The following SLC39A14 variants were observed in gnomAD, a reference collection of about 807,000 sequenced individuals.
SLC39A14 encodes solute carrier family 39 member 14, also known as metal cation symporter ZIP14.
SLC39A14 carries 19 observed loss-of-function variants against 45.5 expected under a neutral mutation model. The ratio of observed to expected loss-of-function variants is 0.42; its 90% CI spans 0.29 to 0.61. The LOEUF (loss-of-function observed/expected upper bound fraction) is 0.61. SLC39A14 is among the 20% of genes least tolerant of loss of function. The probability of loss-of-function intolerance (pLI) is 0.22; values close to 1 mark genes in which losing one functional copy is unlikely to be tolerated. For missense variants in SLC39A14, 447 were observed against 616.5 expected (o/e 0.73, Z 2.91); for synonymous variants, 264 against 251.3 (o/e 1.05, Z -0.48).
intron 1 of SLC39A14, chr8:22,398,681 G>A: frequency 1.0e-6 from 1 of 977,748 alleles, no homozygotes; most frequent in South Asian, 4.7e-5. Flanking sequence ...GCTCCTCTCT[G>A]AGAGGGGAGG....
intron 4 of SLC39A14, among the ~76,000 whole-genome samples, chr8:22,413,947 A>T (rs1835728654): frequency 6.9e-6 from 1 of 144,782 alleles, no homozygotes; most frequent in Admixed American, 6.9e-5. Context: ...TAATTTTTGT[A>T]TTTTTTTTTT....
chr8:22,407,083 C>T (rs1053650192), intron 2 of SLC39A14, among the ~76,000 whole-genome samples: 2 of 152,306 alleles, frequency 1.3e-5, no homozygotes, highest in East Asian at 1.9e-4. Flanking sequence ...GGCTGCTGGC[C>T]GGCCATGGCC....
chr8:22,428,997 G>C (rs891252107), intron 8 of SLC39A14, among the ~76,000 whole-genome samples: 17 of 152,138 alleles, frequency 1.1e-4, no homozygotes, highest in Non-Finnish European at 2.4e-4. Flanking sequence ...GAATGGCCAG[G>C]CGTGGTGGCT....
chr8:22,409,686 T>G (rs13256933), intron 3 of SLC39A14, among the ~76,000 whole-genome samples: 38,248 of 152,150 alleles, frequency 0.25, 5,601 homozygotes, highest in East Asian at 0.51. Context: ...CTGGCCTACT[T>G]GTATGGTTTT....
rs572188602 is a variant in SLC39A14 at position 22,406,409 on chromosome 8, C to T, written c.270+1429C>T. Among the ~76,000 whole-genome samples the T allele has an allele frequency of 1.5e-4, 13 of 85,086 alleles. No individual in the cohort carries two copies. The East Asian group carries it at 2.0e-3, about 13-fold the overall frequency. 55.8% of individuals were successfully genotyped at this position (85,086 alleles called of 152,430 possible). ...GGCCTCAAAAGTTGGGGGGGAGGAGCGGGGCCGGGCGCGGTGGCTGACGCC... is the reference window on the plus strand; with the variant it reads ...GGCCTCAAAAGTTGGGGGGGAGGAGTGGGGCCGGGCGCGGTGGCTGACGCC... On this transcript the variant is annotated intron_variant, in intron 2 of 8. Coordinates refer to ENST00000381237, the MANE Select transcript of SLC39A14 (RefSeq NM_001128431.4).
intron 8 of SLC39A14, among the ~76,000 whole-genome samples, chr8:22,428,684 G>A (rs1367187039): frequency 2.0e-5 from 3 of 151,564 alleles, no homozygotes; most frequent in Non-Finnish European, 2.9e-5. Flanking sequence ...CTTGTGATCC[G>A]CCCAGCCTGG....
chr8:22,394,316 T>C (rs1434486113), intron 1 of SLC39A14, among the ~76,000 whole-genome samples: 2 of 145,106 alleles, frequency 1.4e-5, no homozygotes, highest in Non-Finnish European at 3.0e-5. Context: ...TGTAATGATT[T>C]TTTATTATGT....
chr8:22,423,530 T>A (rs1399730708), downstream of SLC39A14, among the ~76,000 whole-genome samples: 1 of 152,024 alleles, frequency 6.6e-6, no homozygotes, highest in African/African-American at 2.4e-5. Flanking sequence ...AGAGACAGGG[T>A]TTCACCGTGT....
chr8:22,387,172 TA>T (rs71544897), intron 1 of SLC39A14, among the ~76,000 whole-genome samples: 575 of 142,594 alleles, frequency 4.0e-3, no homozygotes, highest in Non-Finnish European at 4.9e-3. Context: ...GACCCTGTCT[TA>T]AAAAAAAAAA....
At chr8:22,393,247 A>AGTAGGTG (rs1834180957) in intron 1 of SLC39A14, 1 of 985,544 alleles carries the variant, frequency 1.0e-6, no homozygotes. Flanking sequence ...GGAGGAGAGC[A>AGTAGGTG]GTAGGTGGGA....
intron 1 of SLC39A14, among the ~76,000 whole-genome samples, chr8:22,375,025 C>T (rs972628881): frequency 4.6e-5 from 7 of 151,504 alleles, no homozygotes; most frequent in Non-Finnish European, 8.8e-5. Flanking sequence ...GGATTACAGG[C>T]GTGAGCCACC....
At chr8:22,397,980 G>GGGACA (rs1683397064) in intron 1 of SLC39A14, among the ~76,000 whole-genome samples, 1 of 152,100 alleles carries the variant, frequency 6.6e-6, no homozygotes, top group Non-Finnish European at 1.5e-5. Flanking sequence ...TGGGTCCCTC[G>GGGACA]GAGACCCCTT....
intron 4 of SLC39A14, among the ~76,000 whole-genome samples, chr8:22,412,760 A>G (rs1297205560): frequency 6.6e-6 from 1 of 152,146 alleles, no homozygotes; most frequent in Non-Finnish European, 1.5e-5. Context: ...CCTGGCCAAC[A>G]TGGTGAAACC....
chr8:22,370,547 G>A (rs1832870030), intron 1 of SLC39A14, among the ~76,000 whole-genome samples: 1 of 152,204 alleles, frequency 6.6e-6, no homozygotes. Flanking sequence ...ACTGGATCCA[G>A]GGAGGTGAAT....
At chr8:22,395,158 C>T (rs984498550) in intron 1 of SLC39A14, among the ~76,000 whole-genome samples, 9 of 151,886 alleles carry the variant, frequency 5.9e-5, no homozygotes, top group South Asian at 2.1e-4. Flanking sequence ...TACAGGTGTG[C>T]GCCACCACAC....
exon 9 of SLC39A14, chr8:22,434,032 G>A (rs1267454024): frequency 1.2e-5 from 4 of 345,998 alleles, no homozygotes; most frequent in South Asian, 4.3e-5. Flanking sequence ...ATAAAAATGG[G>A]GACAATACTG....
chr8:22,368,908 C>T (rs28495936), intron 1 of SLC39A14, among the ~76,000 whole-genome samples: 7,999 of 152,158 alleles, frequency 0.053, 682 homozygotes, highest in African/African-American at 0.18. Context: ...GGATGCATAT[C>T]CCCCGGGACG....
Position 22,420,990 on chromosome 8 carries a change from G to GGCCA in SLC39A14, c.*1296_*1299dup, listed in dbSNP as rs1836193968. 2 of 985,860 alleles carry GGCCA rather than the reference G, an allele frequency of 2.0e-6. No homozygotes were observed. The highest frequency in any genetic ancestry group is 2.4e-6 in the Non-Finnish European group (2 of 829,942). 61.1% of individuals were successfully genotyped at this position (985,860 alleles called of 1,614,324 possible). A position where few individuals can be genotyped will look rare whatever the true frequency, so the allele number is the denominator to read the frequency against. On this transcript the variant is annotated 3_prime_UTR_variant, in exon 9 of 9. Coordinates refer to ENST00000381237, the MANE Select transcript of SLC39A14 (RefSeq NM_001128431.4). ...GAGATAACTTGTCTTTAAAACTGTAGGCCAGCCTTAGCCACTGTGGAGCCC... is the reference window on the plus strand; with the variant it reads ...GAGATAACTTGTCTTTAAAACTGTAGGCCAGCCAGCCTTAGCCACTGTGGAGCCC...
At chr8:22,397,618 C>T (rs1457892389) in intron 1 of SLC39A14, among the ~76,000 whole-genome samples, 5 of 152,098 alleles carry the variant, frequency 3.3e-5, no homozygotes, top group Admixed American at 6.5e-5. Flanking sequence ...CCTCCTCCTT[C>T]CACCCTGAGG....
Sources: gnomAD v4.1 joint callset for allele counts (sites outside exome capture counted in the v4.1 genomes callset) on GRCh38, gnomAD v4.1.1 for gene constraint, MANE v1.5 for transcripts, NCBI Gene and HGNC (gene_info 2026-07-23, HGNC 2026-07-21) for gene names.